The following CCDC73 variants were observed in gnomAD, a reference collection of about 807,000 sequenced individuals.
CCDC73 encodes the protein coiled-coil domain-containing protein 73.
A neutral mutation model predicts 116.5 loss-of-function variants in CCDC73; 95 were observed. The observed-to-expected ratio is 0.82, with a 90% CI of 0.69 to 0.97. The LOEUF (loss-of-function observed/expected upper bound fraction) is 0.97. Ranked by LOEUF, CCDC73 falls within the 50% of genes least tolerant of loss-of-function variation. CCDC73 has a pLI of 0.00. For synonymous variants in CCDC73, 398 were observed against 401.3 expected (o/e 0.99, Z 0.10); for missense variants, 1,066 against 1,206.8 (o/e 0.88, Z 1.73).
intron 6 of CCDC73, among the ~76,000 whole-genome samples, chr11:32,696,558 C>T (rs547012666): frequency 1.3e-5 from 2 of 152,202 alleles, no homozygotes; most frequent in African/African-American, 4.8e-5. Context: ...TCCTGTGTAG[C>T]CTGGAGCTAC....
intron 12 of CCDC73, among the ~76,000 whole-genome samples, chr11:32,647,108 T>C (rs1015391224): frequency 6.6e-6 from 1 of 152,210 alleles, no homozygotes; most frequent in Non-Finnish European, 1.5e-5. Context: ...TGTTCTTGCA[T>C]TGTTAAAGAA....
chr11:32,626,397 C>T (rs976419003), intron 14 of CCDC73, among the ~76,000 whole-genome samples: 1 of 151,994 alleles, frequency 6.6e-6, no homozygotes, highest in Non-Finnish European at 1.5e-5. Context: ...AATGGCCATA[C>T]TGCCCAAGGT....
chr11:32,736,468 C>G (rs930729587), intron 2 of CCDC73, among the ~76,000 whole-genome samples: 2 of 152,218 alleles, frequency 1.3e-5, no homozygotes, highest in Non-Finnish European at 2.9e-5. Flanking sequence ...GAGATACCAT[C>G]TCACATCAGT....
At chr11:32,761,314 TA>T (rs1211406116) in intron 1 of CCDC73, among the ~76,000 whole-genome samples, 1 of 152,214 alleles carries the variant, frequency 6.6e-6, no homozygotes, top group African/African-American at 2.4e-5. Context: ...ATGAATGTAT[TA>T]TTTACTGAAC....
chr11:32,801,141 A>G, the CCDC73 span, among the ~76,000 whole-genome samples: 1 of 152,330 alleles, frequency 6.6e-6, no homozygotes, highest in East Asian at 1.9e-4. Context: ...TAGTCTAGTG[A>G]CTACTTAAAG....
At chr11:32,776,936 AATATAT>A (rs1169476616) in intron 1 of CCDC73, among the ~76,000 whole-genome samples, 2 of 36,464 alleles carry the variant, frequency 5.5e-5, no homozygotes, top group Non-Finnish European at 1.2e-4. Context: ...AAAAAAAAAA[AATATAT>A]ATATATATAT....
At chr11:32,819,377 T>C in the CCDC73 span, among the ~76,000 whole-genome samples, 1 of 151,754 alleles carries the variant, frequency 6.6e-6, no homozygotes, top group Non-Finnish European at 1.5e-5. Flanking sequence ...TCGGCTGAAA[T>C]GCAACTCAGC....
intron 2 of CCDC73, among the ~76,000 whole-genome samples, chr11:32,750,290 C>T (rs1014167652): frequency 5.3e-5 from 8 of 152,160 alleles, no homozygotes; most frequent in East Asian, 1.9e-4. Flanking sequence ...CTGGGTCAGA[C>T]CTGAACCCAG....
intron 9 of CCDC73, among the ~76,000 whole-genome samples, chr11:32,655,176 T>C (rs1366045830): frequency 3.9e-5 from 2 of 51,864 alleles, no homozygotes; most frequent in Admixed American, 1.6e-4. Flanking sequence ...CATAAAGAGA[T>C]TGACTGCATG....
the CCDC73 span, among the ~76,000 whole-genome samples, chr11:32,814,878 G>A: frequency 2.0e-4 from 31 of 152,308 alleles, no homozygotes; most frequent in South Asian, 1.7e-3. Flanking sequence ...GCATGCTACA[G>A]TGTGGATGAA....
chr11:32,810,761 C>T, the CCDC73 span, among the ~76,000 whole-genome samples: 4,245 of 152,240 alleles, frequency 0.028, 79 homozygotes, highest in South Asian at 0.04. Context: ...TTAACTCCCC[C>T]CTTCTCCATT....
intron 14 of CCDC73, among the ~76,000 whole-genome samples, chr11:32,625,750 G>A (rs187302635): frequency 1.1e-3 from 172 of 152,114 alleles, no homozygotes; most frequent in African/African-American, 3.9e-3. Context: ...TTCAGTAGAC[G>A]CAGAAAAGGC....
intron 7 of CCDC73, among the ~76,000 whole-genome samples, chr11:32,678,882 CAAA>C (rs55859897): frequency 0.015 from 1,968 of 131,254 alleles, 46 homozygotes; most frequent in African/African-American, 0.045. Context: ...GGCTCCGTCA[CAAA>C]AAAAAAAAAA....
chr11:32,727,167 T>C (rs1048478289), intron 2 of CCDC73, among the ~76,000 whole-genome samples: 1 of 152,210 alleles, frequency 6.6e-6, no homozygotes, highest in African/African-American at 2.4e-5. Flanking sequence ...AAGAATGTCA[T>C]AGAGAATAAA....
chr11:32,760,826 G>C (rs1221119854), intron 1 of CCDC73, among the ~76,000 whole-genome samples: 1 of 152,086 alleles, frequency 6.6e-6, no homozygotes, highest in Non-Finnish European at 1.5e-5. Context: ...AAGAATGTAC[G>C]GTGAAGTCCT....
intron 17 of CCDC73, among the ~76,000 whole-genome samples, chr11:32,608,858 C>G (rs1173787345): frequency 6.6e-6 from 1 of 152,216 alleles, no homozygotes; most frequent in African/African-American, 2.4e-5. Context: ...CACATGGAAG[C>G]TGCCAAGGCT....
intron 2 of CCDC73, among the ~76,000 whole-genome samples, chr11:32,737,031 C>T (rs1850137670): frequency 6.6e-6 from 1 of 150,744 alleles, no homozygotes; most frequent in Non-Finnish European, 1.5e-5. Flanking sequence ...CTTAACTCTT[C>T]CCACCTCAGC....
rs78780236 is a variant in CCDC73 at position 32,706,504 on chromosome 11, G to A, written c.208-3560C>T. Among the ~76,000 whole-genome samples, 942 of 152,244 alleles carry A rather than the reference G, an allele frequency of 6.2e-3. 13 individuals carry two copies. The highest frequency in any genetic ancestry group is 0.022 in the African/African-American group (899 of 41,538). The stretch of plus-strand genomic sequence containing the variant: ...GGAGAGTGCCTCTTGGTAAAGACAC[G>A]TATAAGTACTTATACGCAGAAAGTA... On this transcript the variant is annotated intron_variant, in intron 3 of 17. Coordinates refer to ENST00000335185, the MANE Select transcript of CCDC73 (RefSeq NM_001008391.4).
intron 1 of CCDC73, among the ~76,000 whole-genome samples, chr11:32,764,367 C>T (rs4568981): frequency 0.025 from 3,728 of 152,126 alleles, 141 homozygotes; most frequent in African/African-American, 0.085. Context: ...CAGAGTAAAA[C>T]GTCGGGTTAC....
Sources: allele counts gnomAD v4.1 joint callset (sites outside exome capture counted in the v4.1 genomes callset), GRCh38; gene constraint gnomAD v4.1.1; transcripts MANE v1.5; gene names NCBI Gene and HGNC (gene_info 2026-07-23, HGNC 2026-07-21).